Variants in SLCO3A1 observed in about 807,000 individuals in gnomAD.
SLCO3A1 encodes solute carrier organic anion transporter family member 3A1, also known as PGE1 transporter.
In SLCO3A1, 27 loss-of-function variants were observed where a neutral mutation model predicts 63.1. The observed-to-expected ratio is 0.43, with a 90% CI of 0.32 to 0.59. The LOEUF (loss-of-function observed/expected upper bound fraction) is 0.59. Among genes scored for constraint, SLCO3A1 ranks in the 20% least tolerant of loss-of-function variants. The probability of loss-of-function intolerance (pLI) is 0.09; values close to 1 mark genes in which losing one functional copy is unlikely to be tolerated. For missense variants in SLCO3A1, 773 were observed against 945.8 expected (o/e 0.82, Z 2.40); for synonymous variants, 473 against 409.9 (o/e 1.15, Z -1.86).
intron 9 of SLCO3A1, chr15:92,161,592 T>G (rs192777156): frequency 6.6e-6 from 1 of 152,352 alleles, no homozygotes; most frequent in Non-Finnish European, 1.5e-5. Flanking sequence ...GGAAGCGAAG[T>G]TGTCAGTATA....
At chr15:91,981,490 G>T (rs2045986337) in intron 2 of SLCO3A1, among the ~76,000 whole-genome samples, 1 of 152,098 alleles carries the variant, frequency 6.6e-6, no homozygotes, top group South Asian at 2.1e-4. Context: ...CCACCTCATG[G>T]CTTTTTCCTC....
chr15:92,107,903 C>A (rs2047685175), intron 4 of SLCO3A1, among the ~76,000 whole-genome samples: 2 of 152,256 alleles, frequency 1.3e-5, no homozygotes, highest in African/African-American at 2.4e-5. Flanking sequence ...TCTCAGCTTT[C>A]ACATATGGTG....
At chr15:92,120,671 T>C in intron 5 of SLCO3A1, 42 bp downstream of exon 5, 1 of 1,294,340 alleles carries the variant, frequency 7.7e-7, no homozygotes, top group Admixed American at 1.7e-5. Context: ...CGGGGGAGGG[T>C]GTCCTGTGTG....
At chr15:91,921,723 CT>C (rs10708454) in intron 2 of SLCO3A1, among the ~76,000 whole-genome samples, 37,537 of 144,816 alleles carry the variant, frequency 0.26, 4,739 homozygotes, top group Middle Eastern at 0.32. Context: ...TCAGATTTCT[CT>C]TTTTTTTTTT....
intron 7 of SLCO3A1, among the ~76,000 whole-genome samples, chr15:92,132,409 A>G (rs1434640723): frequency 7.0e-6 from 1 of 143,664 alleles, no homozygotes; most frequent in Non-Finnish European, 1.6e-5. Context: ...TTAATGTACG[A>G]CTTCTAATTC....
rs2047851104 is a variant in SLCO3A1 at position 92,120,547 on chromosome 15, G to T, written c.1092G>T (p.Val364=). Reference sequence around the variant, plus strand: ...TGGCCGCCTGCATGGAGATTGCAGTGGTGGCTGGCTTCGCTGCCTTTTTGG... The same window carrying T: ...TGGCCGCCTGCATGGAGATTGCAGTTGTGGCTGGCTTCGCTGCCTTTTTGG... The part of the protein sequence containing the change: ...IILAACMEIA[V]VAGFAAFLGK... The change falls in exon 5 of 10, where the codon GTG becomes GTT. Residue 364 remains valine, a synonymous_variant. Coordinates refer to ENST00000318445, the MANE Select transcript of SLCO3A1 (RefSeq NM_013272.4). 1 of 1,614,002 alleles carries T rather than the reference G, an allele frequency of 6.2e-7. No individual in the cohort carries two copies. Among genetic ancestry groups the T allele is most frequent in the Admixed American group, 1.7e-5 (1 of 59,996 alleles).
chr15:92,171,263 C>G (rs2048519654), intron 10 of SLCO3A1: 1 of 152,840 alleles, frequency 6.5e-6, no homozygotes, highest in South Asian at 2.1e-4. Flanking sequence ...GCTTAAAAAC[C>G]TTGCTCCAAA....
intron 2 of SLCO3A1, among the ~76,000 whole-genome samples, chr15:91,945,248 A>G (rs1029572685): frequency 5.3e-5 from 8 of 151,812 alleles, no homozygotes; most frequent in African/African-American, 1.9e-4. Flanking sequence ...AGGCTGAGGC[A>G]GGAGAATCAC....
chr15:91,980,425 A>T (rs1456639652), intron 2 of SLCO3A1, among the ~76,000 whole-genome samples: 2 of 90,612 alleles, frequency 2.2e-5, no homozygotes, highest in African/African-American at 3.1e-5. Context: ...CTGAGAGTTT[A>T]AAAAAAAAAA....
downstream of SLCO3A1, among the ~76,000 whole-genome samples, chr15:92,168,225 GA>G (rs1263533140): frequency 6.6e-6 from 1 of 152,236 alleles, no homozygotes; most frequent in Non-Finnish European, 1.5e-5. Flanking sequence ...CAAGAATCAG[GA>G]AGGCTCTGGA....
At chr15:92,144,750 C>G (rs1030243373) in intron 7 of SLCO3A1, among the ~76,000 whole-genome samples, 1 of 152,242 alleles carries the variant, frequency 6.6e-6, no homozygotes, top group Non-Finnish European at 1.5e-5. Context: ...GGGGGAGATA[C>G]TTTCCAGCCT....
chr15:92,085,711 AG>A (rs2047396684), intron 2 of SLCO3A1, among the ~76,000 whole-genome samples: 1 of 152,246 alleles, frequency 6.6e-6, no homozygotes, highest in South Asian at 2.1e-4. Context: ...ATACCCATGA[AG>A]TCTATAAACA....
In SLCO3A1 at chr15:91,967,528, G is replaced by A. The variant is rs960235121; in HGVS notation, c.646+51070G>A. On this transcript the variant is annotated intron_variant, in intron 2 of 9. Transcript: ENST00000318445. The surrounding 1 kb of genome is among the most constrained non-coding windows in gnomAD (Gnocchi z 4.4). ...GGTGCCGTTGTGGGGACATAACGCA[G>A]AAGCGTTGCCACAGGATAAAGACAG... Among the ~76,000 whole-genome samples, 7 of 152,186 alleles carry A rather than the reference G, an allele frequency of 4.6e-5. No homozygotes were observed. The highest frequency in any genetic ancestry group is 1.0e-4 in the Non-Finnish European group (7 of 68,042).
chr15:92,154,551 G>C (rs2048348191), intron 9 of SLCO3A1, among the ~76,000 whole-genome samples: 1 of 152,220 alleles, frequency 6.6e-6, no homozygotes. Flanking sequence ...CACCCTCATG[G>C]GTCAGAGTGA....
intron 2 of SLCO3A1, among the ~76,000 whole-genome samples, chr15:92,081,355 T>C (rs899860306): frequency 6.6e-5 from 10 of 152,016 alleles, no homozygotes; most frequent in African/African-American, 2.4e-4. Context: ...TTTTTTTCTT[T>C]TTCTCCTTTT....
chr15:92,017,236 C>A (rs1410067376), intron 2 of SLCO3A1, among the ~76,000 whole-genome samples: 1 of 150,780 alleles, frequency 6.6e-6, no homozygotes, highest in Non-Finnish European at 1.5e-5. Context: ...CTCAAAGGTG[C>A]GGATGATCTT....
At chr15:92,066,031 A>G (rs1295868341) in intron 2 of SLCO3A1, among the ~76,000 whole-genome samples, 9 of 152,248 alleles carry the variant, frequency 5.9e-5, no homozygotes, top group Non-Finnish European at 1.0e-4. Flanking sequence ...AGGTGAAACC[A>G]CCAGAGGAGG....
chr15:91,934,343 G>T (rs1899333976), intron 2 of SLCO3A1, among the ~76,000 whole-genome samples: 1 of 152,168 alleles, frequency 6.6e-6, no homozygotes, highest in Non-Finnish European at 1.5e-5. Flanking sequence ...GAAATGGCTA[G>T]GCAGTGAATG....
rs545429263 is a variant in SLCO3A1, at chr15:91,894,855, G to A, written c.181-21138G>A. ...GGCACAGAACAGTGAAACCCCCGGA[G>A]GGACAGGGAGTGCGTAGAAGCAGGT... is the stretch of plus-strand genomic sequence containing the variant. On this transcript the variant is annotated intron_variant, in intron 1 of 9. Transcript: ENST00000318445. The surrounding 1 kb of genome is among the most constrained non-coding windows in gnomAD (Gnocchi z 4.8). Among the ~76,000 whole-genome samples, 1 of 152,304 alleles carries A rather than the reference G, an allele frequency of 6.6e-6. No individual in the cohort carries two copies. The highest frequency in any genetic ancestry group is 1.9e-4 in the East Asian group (1 of 5,184).
Sources: gnomAD v4.1 joint callset for allele counts (sites outside exome capture counted in the v4.1 genomes callset) on GRCh38, gnomAD v4.1.1 for gene constraint, Gnocchi (gnomAD v3.1) non-coding constraint, MANE v1.5 for transcripts, NCBI Gene and HGNC (gene_info 2026-07-23, HGNC 2026-07-21) for gene names.